Variants in SRCAP observed in about 807,000 individuals in gnomAD.
The protein encoded by SRCAP is chromatin remodeling protein SRCAP.
In SRCAP, 46 loss-of-function variants were observed where a neutral mutation model predicts 263.1. That is an observed-to-expected ratio of 0.17 (90% confidence interval 0.14 to 0.22). SRCAP has a LOEUF of 0.22. Ranked by LOEUF, SRCAP falls within the 10% of genes least tolerant of loss-of-function variation. The pLI is 1.00. For synonymous variants in SRCAP, 1,813 were observed against 1,662.1 expected, an observed-to-expected ratio of 1.09 and a Z score of -2.21; for missense variants, 3,695 against 4,181.9, an observed-to-expected ratio of 0.88 and a Z score of 3.21.
intron 27 of SRCAP, among the ~76,000 whole-genome samples, chr16:30,732,469 A>G (rs1489333546): frequency 1.3e-5 from 2 of 152,022 alleles, no homozygotes; most frequent in African/African-American, 2.4e-5. Context: ...AAAAAAGGAA[A>G]AGGAAAAAAA....
At chr16:30,714,221 C>T (rs1198893178) in intron 16 of SRCAP, among the ~76,000 whole-genome samples, 8 of 151,858 alleles carry the variant, frequency 5.3e-5, no homozygotes, top group Non-Finnish European at 7.4e-5. Flanking sequence ...CCCACCACCA[C>T]GCCGGGCTAA....
At position 30,728,996 on chromosome 16, in the gene SRCAP, C is replaced by A; in HGVS notation, c.5689C>A (p.Arg1897=). The part of the protein sequence containing the change: ...DSLEEKRKRQ[R]SERLERIFQL... ...CCTGGAGGAAAAGCGGAAGCGGCAGCGGTCTGAACGCCTGGAACGGATTTT... is the reference window on the plus strand; with the variant it reads ...CCTGGAGGAAAAGCGGAAGCGGCAGAGGTCTGAACGCCTGGAACGGATTTT... The change falls in exon 26 of 34, where the codon CGG becomes AGG. Residue 1897 remains arginine, a synonymous_variant. Coordinates refer to ENST00000262518, the MANE Select transcript of SRCAP (RefSeq NM_006662.3). 1 of 1,613,736 alleles carries A rather than the reference C, an allele frequency of 6.2e-7. No individual in the cohort carries two copies. The highest frequency in any genetic ancestry group is 8.5e-7 in the Non-Finnish European group (1 of 1,179,692).
In SRCAP at chr16:30,725,010, C is replaced by T; in HGVS notation, c.5586C>T (p.Ser1862=). The T allele has an allele frequency of 6.2e-7, 1 of 1,614,194 alleles. No individual in the cohort carries two copies. Among genetic ancestry groups the T allele is most frequent in the Non-Finnish European group, 8.5e-7 (1 of 1,180,030 alleles). ...GCTCTGGTCCCCCCAGCCCTCCCTC[C>T]ACTGCTACCTCGTTTGGTGGCCCCC... ...TLRSGPPSPP[S]TATSFGGPRP... Residue 1862 remains serine (S), a synonymous_variant, in exon 25 of 34, where the codon TCC becomes TCT. Transcript: ENST00000262518.
Position 30,716,301 on chromosome 16 carries a change from A to T in SRCAP, c.2639A>T (p.Glu880Val). 1 of 1,614,136 alleles carries T rather than the reference A, an allele frequency of 6.2e-7. No homozygotes were observed. The highest frequency in any genetic ancestry group is 8.5e-7 in the Non-Finnish European group (1 of 1,180,026). ...TTTTCCTCTTTCCCCAGAACTAAGG[A>T]GACACTAGCCACAGGCCATTTCATG... Reference protein sequence around the residue: ...DDFMAQTTTKETLATGHFMSV... With the variant: ...DDFMAQTTTKVTLATGHFMSV... The change falls in exon 18 of 34, where the codon GAG becomes GTG. Residue 880 changes from glutamate (E) to valine (V), a missense_variant. Physicochemically the swap from Glu to Val is moderately radical, Grantham distance 121. Transcript: ENST00000262518.
In SRCAP at chr16:30,704,315, T is replaced by G. The variant is rs993395791; in HGVS notation, c.306T>G (p.His102Gln). The change falls in exon 4 of 34, where the codon CAT (histidine) becomes CAG (glutamine). Residue 102 changes from histidine to glutamine, a missense_variant and splice_region_variant. Transcript: ENST00000262518. ...SHAEIAEQAK[H>Q]EAEIETRIAE... ...CCGAAATTGCAGAACAGGCCAAGCA[T>G]GTACGTATTAGAAAGGCTTATGAAG... 6.3e-7 allele frequency: 1 copy of G among 1,591,436 alleles called. No homozygotes were observed. The highest frequency in any genetic ancestry group is 8.6e-7 in the Non-Finnish European group (1 of 1,164,314).
chr16:30,729,223 C>A lies in SRCAP; in HGVS notation c.5916C>A (p.Ile1972=), dbSNP rs991862431. ...AGCGACTAGACCAGCTGTCAGAAAT[C>A]ATTGAGAGGTTGGCAGGGCTAAGTG... is the stretch of plus-strand genomic sequence containing the variant. ...PQQRLDQLSE[I]IERFIFVMPP... The change falls in exon 26 of 34, where the codon ATC becomes ATA. Residue 1972 remains isoleucine, a synonymous_variant. Coordinates refer to ENST00000262518, the MANE Select transcript of SRCAP (RefSeq NM_006662.3). 2 of 1,606,306 alleles carry A rather than the reference C, an allele frequency of 1.2e-6. No individual in the cohort carries two copies. The highest frequency in any genetic ancestry group is 1.1e-5 in the South Asian group (1 of 90,682).
rs774763131 is a variant in SRCAP at position 30,710,012 on chromosome 16, C to A, written c.1018C>A (p.Pro340Thr). 6.2e-7 allele frequency: 1 copy of A among 1,614,164 alleles called. No homozygotes were observed. Residue 340 changes from proline to threonine, a missense_variant, in exon 8 of 34, where the codon CCC (proline) becomes ACC (threonine). Pro to Thr is a conservative substitution (Grantham distance 38). Transcript: ENST00000262518. ...ACTGGAAGAGCTGCTCCGTTCCCTT[C>A]CCCCTCAGCTGTTGGAAGGGCCTTC... ...LPLEELLRSL[P>T]PQLLEGPSSP...
rs1211790479 is a variant in SRCAP at position 30,707,720 on chromosome 16, G to A, written c.633+8G>A. On this transcript the variant is annotated splice_region_variant and intron_variant, in intron 6 of 33. Transcript: ENST00000262518. Reference sequence around the variant, plus strand: ...TGGAGCAATGTGGAGAAGGTAGACAGTGGGGATCAGGAAAGGAAAATGGCC... The same window carrying A: ...TGGAGCAATGTGGAGAAGGTAGACAATGGGGATCAGGAAAGGAAAATGGCC... The A allele has an allele frequency of 6.2e-7, 1 of 1,614,128 alleles. No individual in the cohort carries two copies. The highest frequency in any genetic ancestry group is 8.5e-7 in the Non-Finnish European group (1 of 1,179,968).
chr16:30,717,867 A>G (rs974919277), intron 18 of SRCAP, among the ~76,000 whole-genome samples: 2 of 150,426 alleles, frequency 1.3e-5, no homozygotes, highest in Admixed American at 6.6e-5. Context: ...TTGGCCTCCC[A>G]AAGTGCTGGG....
In SRCAP at chr16:30,711,708, G is replaced by C; in HGVS notation, c.1456G>C (p.Glu486Gln). 1.2e-6 allele frequency: 2 copies of C among 1,613,822 alleles called. No individual in the cohort carries two copies. The highest frequency in any genetic ancestry group is 1.7e-6 in the Non-Finnish European group (2 of 1,179,924). The change falls in exon 11 of 34, where the codon GAA (glutamate) becomes CAA (glutamine). Residue 486 changes from glutamate to glutamine, a missense_variant. Physicochemically the swap from Glu to Gln is conservative, Grantham distance 29. Around this residue, in one of 12 missense-constraint regions of SRCAP, gnomAD observed 288 missense variants for 302.4 expected, o/e 0.95. Transcript: ENST00000262518. ...TGAACCAGAGGGGCCCGTGGAAGCG[G>C]AAGAGCCTCCTCAGGAGGATAGTAG... ...DCEPEGPVEA[E>Q]EPPQEDSSSQ...
intron 25 of SRCAP, 107 bp downstream of exon 25, chr16:30,725,189 T>C (rs951984389): frequency 8.7e-6 from 13 of 1,495,260 alleles, no homozygotes; most frequent in South Asian, 1.4e-5. Context: ...TTACAAAGCT[T>C]AATGTTATGG....
chr16:30,705,869 T>C (rs916071984), intron 4 of SRCAP, among the ~76,000 whole-genome samples: 11 of 152,176 alleles, frequency 7.2e-5, no homozygotes, highest in African/African-American at 2.7e-4. Context: ...TATGCCTGGC[T>C]AATTTTTTGT....
At chr16:30,710,869 C>G (rs752104465) in intron 9 of SRCAP, 22 bp downstream of exon 9, 2 of 1,612,360 alleles carry the variant, frequency 1.2e-6, no homozygotes, top group African/African-American at 1.3e-5. Flanking sequence ...TCGGTTTGTC[C>G]TATTGCCCCT....
At chr16:30,719,508 C>T (rs1336939779) in intron 18 of SRCAP, among the ~76,000 whole-genome samples, 2 of 151,830 alleles carry the variant, frequency 1.3e-5, no homozygotes, top group Non-Finnish European at 2.9e-5. Flanking sequence ...AGCCACCGCA[C>T]CCGGCCTTTT....
rs2053046176 is a variant in SRCAP, at chr16:30,724,719, T to C, written c.5295T>C (p.Ala1765=). The change falls in exon 25 of 34, where the codon GCT becomes GCC. Residue 1765 remains alanine (A), a synonymous_variant. Coordinates refer to ENST00000262518, the MANE Select transcript of SRCAP (RefSeq NM_006662.3). ...CTTCTCCAGTGGGCCCAGCCCCAGC[T>C]CACACGCTGACTTTGGCTCCAGCAT... ...APASPVGPAP[A]HTLTLAPASS... The C allele has an allele frequency of 6.2e-7, 1 of 1,613,884 alleles. No homozygotes were observed. Among genetic ancestry groups the C allele is most frequent in the Non-Finnish European group, 8.5e-7 (1 of 1,180,008 alleles).
At position 30,738,359 on chromosome 16, in the gene SRCAP, T is replaced by C; in HGVS notation, c.8319T>C (p.Ala2773=). ...GGCGGCGGCGGCAGCAGCGGGGAGC[T>C]GCCAGCACCCTAGTGCCTGGGGTCT... is the stretch of plus-strand genomic sequence containing the variant. ...LVRRRRQQRG[A]ASTLVPGVSE... The change falls in exon 34 of 34, where the codon GCT becomes GCC. Residue 2773 remains alanine, a synonymous_variant. Coordinates refer to ENST00000262518, the MANE Select transcript of SRCAP (RefSeq NM_006662.3). 6.4e-7 allele frequency: 1 copy of C among 1,566,924 alleles called. No individual in the cohort carries two copies. Among genetic ancestry groups the C allele is most frequent in the Non-Finnish European group, 8.6e-7 (1 of 1,156,394 alleles).
intron 25 of SRCAP, among the ~76,000 whole-genome samples, chr16:30,727,978 G>C (rs1367668215): frequency 1.3e-5 from 2 of 152,146 alleles, no homozygotes; most frequent in Admixed American, 6.5e-5. Flanking sequence ...CACTGCTCCT[G>C]GCCAGATTTT....
At chr16:30,703,949 GTTTATACCTTACTCTACACAGTTT>G (rs933169755) in intron 3 of SRCAP, 91 bp from the exon 4 acceptor site, 6 of 1,281,330 alleles carry the variant, frequency 4.7e-6, no homozygotes, top group Non-Finnish European at 5.4e-6. Flanking sequence ...TGAAAATAAG[GTTTATACCTTACTCTACACAGTTT>G]TTTCTTGTGA....
intron 4 of SRCAP, 81 bp downstream of exon 4, chr16:30,704,396 C>T: frequency 6.7e-7 from 1 of 1,494,364 alleles, no homozygotes; most frequent in Non-Finnish European, 9.0e-7. Context: ...TTTTATGTTT[C>T]TTTTCTTTTT....
Sources: gnomAD v4.1 joint callset for allele counts (sites outside exome capture counted in the v4.1 genomes callset) on GRCh38, gnomAD v4.1.1 for gene constraint, gnomAD v4.1.1 regional missense constraint, MANE v1.5 for transcripts, NCBI Gene and HGNC (gene_info 2026-07-23, HGNC 2026-07-21) for gene names.